IL1RAPL1: variants seen among roughly 807,000 people sequenced by gnomAD.
IL1RAPL1 encodes interleukin-1 receptor accessory protein-like 1.
Under a neutral mutation model 48.4 loss-of-function variants are expected in IL1RAPL1, and 3 were observed. The observed-to-expected ratio is 0.06, with a 90% CI of 0.03 to 0.16. IL1RAPL1 has a LOEUF of 0.16. IL1RAPL1 is among the 10% of genes least tolerant of loss of function. The pLI is 1.00. For synonymous variants in IL1RAPL1, 185 were observed against 187.7 expected (o/e 0.99, Z 0.12); for missense variants, 349 against 530.6 (o/e 0.66, Z 3.36).
rs145602825 is a variant in IL1RAPL1, at chrX:29,200,169, A to C, written c.83-82769A>C. 6.4e-3 allele frequency among the ~76,000 whole-genome samples: 713 copies of C among 111,067 alleles called. 4 individuals carry two copies. The highest frequency in any genetic ancestry group is 0.022 in the African/African-American group (663 of 30,601). ...TGTAAAAAGAAAAAAAAAATCCAAC[A>C]GTCAAAAAGTCAGGTCTATGTTATA... On this transcript the variant is annotated intron_variant, in intron 2 of 10. Transcript: ENST00000378993.
At chrX:28,705,860 T>C (rs1935369139) in intron 1 of IL1RAPL1, among the ~76,000 whole-genome samples, 1 of 112,171 alleles carries the variant, frequency 8.9e-6, no homozygotes, top group Admixed American at 9.4e-5. Context: ...AGTAAAATTG[T>C]GATAAATTAA....
chrX:29,219,525 A>G (rs969605445), intron 2 of IL1RAPL1, among the ~76,000 whole-genome samples: 6 of 111,581 alleles, frequency 5.4e-5, no homozygotes, highest in African/African-American at 2.0e-4. Flanking sequence ...GATTGTGCCC[A>G]GTACCCTTTG....
intron 5 of IL1RAPL1, among the ~76,000 whole-genome samples, chrX:29,660,476 T>TA (rs1236909030): frequency 8.9e-6 from 1 of 112,221 alleles, no homozygotes; most frequent in Non-Finnish European, 1.9e-5. Flanking sequence ...TTTCAAGTCT[T>TA]ATATTTAAGT....
At chrX:29,396,168 CT>C in intron 3 of IL1RAPL1, 89 bp from the exon 4 acceptor site, 9 of 768,086 alleles carry the variant, frequency 1.2e-5, no homozygotes, top group Non-Finnish European at 1.8e-5. Context: ...GAAGTTTTTG[CT>C]TTTCTTTTAA....
intron 6 of IL1RAPL1, among the ~76,000 whole-genome samples, chrX:29,682,903 G>A (rs1409598720): frequency 8.9e-6 from 1 of 112,001 alleles, no homozygotes; most frequent in Non-Finnish European, 1.9e-5. Context: ...GTCTGGCTAG[G>A]GAAGTCTAGC....
intron 2 of IL1RAPL1, among the ~76,000 whole-genome samples, chrX:29,036,725 AG>A (rs1407112679): frequency 9.0e-6 from 1 of 111,481 alleles, no homozygotes; most frequent in Non-Finnish European, 1.9e-5. Context: ...ATTCACCAAA[AG>A]TCTATTATTC....
chrX:28,646,785 T>G (rs1934617232), intron 1 of IL1RAPL1, among the ~76,000 whole-genome samples: 1 of 112,576 alleles, frequency 8.9e-6, no homozygotes, highest in Non-Finnish European at 1.9e-5. Context: ...CAACTGTTAC[T>G]CCTTTCATTC....
intron 5 of IL1RAPL1, among the ~76,000 whole-genome samples, chrX:29,467,779 A>G (rs1934879839): frequency 8.9e-6 from 1 of 112,546 alleles, no homozygotes; most frequent in Admixed American, 9.4e-5. Context: ...GGTTTTGAGT[A>G]CAGTGTCCTG....
chrX:29,897,429 TAAAGA>T (rs752560102), intron 6 of IL1RAPL1, among the ~76,000 whole-genome samples: 51 of 112,336 alleles, frequency 4.5e-4, no homozygotes, highest in Non-Finnish European at 8.3e-4. Flanking sequence ...AGTGTTGGCT[TAAAGA>T]AGAGAACATA....
chrX:28,901,086 C>T lies in IL1RAPL1; in HGVS notation c.82+111661C>T, dbSNP rs369915458. Among the ~76,000 whole-genome samples the T allele has an allele frequency of 6.3e-5, 7 of 111,429 alleles. No homozygotes were observed. In the South Asian group the frequency reaches 1.9e-3, roughly 30 times the overall value. On this transcript the variant is annotated intron_variant, in intron 2 of 10. Coordinates refer to ENST00000378993, the MANE Select transcript of IL1RAPL1 (RefSeq NM_014271.4). ...CATCTATTGAATATTGGAATTATAG[C>T]GAGTAACAAAACAATGGACCATAGA...
chrX:29,433,374 C>A (rs1255269461), intron 5 of IL1RAPL1, among the ~76,000 whole-genome samples: 1 of 110,749 alleles, frequency 9.0e-6, no homozygotes, highest in Admixed American at 9.7e-5. Flanking sequence ...TCATCCCTTT[C>A]AAGTATATAT....
chrX:29,627,587 A>C (rs918678269), intron 5 of IL1RAPL1, among the ~76,000 whole-genome samples: 1 of 111,647 alleles, frequency 9.0e-6, no homozygotes, highest in African/African-American at 3.3e-5. Context: ...ACGTATATTC[A>C]TGGTTTCCTG....
chrX:29,788,760 A>G (rs1929561891), intron 6 of IL1RAPL1, among the ~76,000 whole-genome samples: 1 of 111,977 alleles, frequency 8.9e-6, no homozygotes, highest in Admixed American at 9.5e-5. Context: ...CTATATAGCT[A>G]TAAATTTGTA....
chrX:29,913,910 T>G (rs532552945), intron 6 of IL1RAPL1, among the ~76,000 whole-genome samples: 1 of 111,897 alleles, frequency 8.9e-6, no homozygotes, highest in South Asian at 3.7e-4. Flanking sequence ...CGTCTACACT[T>G]TAGCTTCAGC....
intron 6 of IL1RAPL1, among the ~76,000 whole-genome samples, chrX:29,898,871 AC>A (rs1301303934): frequency 8.9e-6 from 1 of 112,080 alleles, no homozygotes; most frequent in Non-Finnish European, 1.9e-5. Context: ...CAGAAAATGG[AC>A]TTCAGAAAAT....
intron 5 of IL1RAPL1, among the ~76,000 whole-genome samples, chrX:29,641,867 G>A (rs1000696060): frequency 6.2e-5 from 7 of 112,282 alleles, no homozygotes; most frequent in African/African-American, 2.3e-4. Flanking sequence ...TGGAGCTCAT[G>A]TCTCCATCTC....
intron 5 of IL1RAPL1, among the ~76,000 whole-genome samples, chrX:29,615,005 G>A (rs1485475124): frequency 9.0e-6 from 1 of 110,726 alleles, no homozygotes; most frequent in Non-Finnish European, 1.9e-5. Context: ...AATTTTCAAA[G>A]TTCTCAGAAT....
At chrX:29,517,994 T>C (rs1935464914) in intron 5 of IL1RAPL1, among the ~76,000 whole-genome samples, 1 of 111,817 alleles carries the variant, frequency 8.9e-6, no homozygotes, top group African/African-American at 3.3e-5. Flanking sequence ...GAACCGTCAT[T>C]GGTTAAACGC....
intron 6 of IL1RAPL1, among the ~76,000 whole-genome samples, chrX:29,803,338 T>C (rs111213520): frequency 0.012 from 724 of 59,228 alleles, 17 homozygotes; most frequent in Middle Eastern, 0.078. Context: ...TGTATACACA[T>C]ATGTATATAT....
Sources: allele counts gnomAD v4.1 joint callset (sites outside exome capture counted in the v4.1 genomes callset), GRCh38; gene constraint gnomAD v4.1.1; transcripts MANE v1.5; gene names NCBI Gene and HGNC (gene_info 2026-07-23, HGNC 2026-07-21).